The following PPIL1 variants were observed in gnomAD, a reference collection of about 807,000 sequenced individuals.
PPIL1 encodes peptidylprolyl isomerase like 1.
A neutral mutation model predicts 19.4 loss-of-function variants in PPIL1; 14 were observed. The observed-to-expected ratio is 0.72, with a 90% CI of 0.48 to 1.13. The LOEUF is 1.13. PPIL1 is among the 50% of genes most tolerant of loss of function. The pLI is 0.00. For synonymous variants in PPIL1, 72 were observed against 73.6 expected, an observed-to-expected ratio of 0.98 and a Z score of 0.11; for missense variants, 192 against 218.0, an observed-to-expected ratio of 0.88 and a Z score of 0.75.
At chr6:36,866,501 C>G (rs1399982835) in intron 2 of PPIL1, among the ~76,000 whole-genome samples, 2 of 152,116 alleles carry the variant, frequency 1.3e-5, no homozygotes, top group Non-Finnish European at 2.9e-5. Flanking sequence ...TGCCAGTGGG[C>G]TGCTCAGTCA....
intron 2 of PPIL1, among the ~76,000 whole-genome samples, chr6:36,867,011 A>G (rs1774408021): frequency 6.6e-6 from 1 of 152,214 alleles, no homozygotes; most frequent in African/African-American, 2.4e-5. Flanking sequence ...AAAAGCATGC[A>G]GTTTATATAG....
rs186925365 is a variant in PPIL1 at position 36,871,952 on chromosome 6, C to A, written c.57-80G>T. 1,525 of 1,280,166 alleles carry A rather than the reference C, an allele frequency of 1.2e-3. 10 individuals carry two copies. Among genetic ancestry groups the A allele is most frequent in the Non-Finnish European group, 1.9e-4 (182 of 970,024 alleles). 79.3% of individuals were successfully genotyped at this position (1,280,166 alleles called of 1,614,324 possible). A position where few individuals can be genotyped will look rare whatever the true frequency, so the allele number is the denominator to read the frequency against. On this transcript the variant is annotated intron_variant, in intron 1 of 3. Coordinates refer to ENST00000373699, the MANE Select transcript of PPIL1 (RefSeq NM_016059.5). ...AGTATTATGGAACTGCTCCAGGACT[C>A]TTGATTTTCAAGCTTGTAAGTCATG...
intron 2 of PPIL1, among the ~76,000 whole-genome samples, chr6:36,870,964 C>T (rs540403515): frequency 6.6e-6 from 1 of 152,290 alleles, no homozygotes; most frequent in South Asian, 2.1e-4. Context: ...TCATGTCTTT[C>T]CTTTGCTCAA....
intron 2 of PPIL1, among the ~76,000 whole-genome samples, chr6:36,859,955 A>AGCGCCT (rs1774248483): frequency 6.6e-6 from 1 of 151,900 alleles, no homozygotes; most frequent in African/African-American, 2.4e-5. Context: ...CAGCCTCCTG[A>AGCGCCT]GTAGCTGGGA....
intron 2 of PPIL1, among the ~76,000 whole-genome samples, chr6:36,862,871 G>C (rs1031645373): frequency 1.3e-5 from 2 of 152,198 alleles, no homozygotes; most frequent in Non-Finnish European, 2.9e-5. Flanking sequence ...TCCTCCAAGG[G>C]GCTTTGTGGT....
intron 2 of PPIL1, among the ~76,000 whole-genome samples, chr6:36,860,521 C>A (rs964435027): frequency 6.6e-6 from 1 of 152,092 alleles, no homozygotes; most frequent in Non-Finnish European, 1.5e-5. Flanking sequence ...ATTTCAGACA[C>A]GCAAACATAC....
intron 2 of PPIL1, 123 bp downstream of exon 2, chr6:36,871,595 G>C: frequency 8.2e-7 from 1 of 1,215,026 alleles, no homozygotes; most frequent in East Asian, 2.5e-5. Flanking sequence ...GTGGAAAAGA[G>C]AGCTCTGGCT....
chr6:36,868,991 T>C (rs1016352343), intron 2 of PPIL1, among the ~76,000 whole-genome samples: 1 of 152,114 alleles, frequency 6.6e-6, no homozygotes. Flanking sequence ...TTTATTTTAA[T>C]TTATTTATTT....
At chr6:36,866,571 T>G (rs553548554) in intron 2 of PPIL1, among the ~76,000 whole-genome samples, 25 of 152,228 alleles carry the variant, frequency 1.6e-4, no homozygotes, top group Admixed American at 1.6e-3. Flanking sequence ...TTCAATTTCA[T>G]TAAAATTACA....
rs756126155 is a variant in PPIL1 at position 36,856,036 on chromosome 6, G to A, written c.281-3C>T. On this transcript the variant is annotated splice_region_variant and splice_polypyrimidine_tract_variant and intron_variant, in intron 3 of 3. Transcript: ENST00000373699. ...GGCCATTGCGAGAATTCCAGCCCCTGGTGGGAAAAAGGAAGAAAGGAAAGA... is the reference window on the plus strand; with the variant it reads ...GGCCATTGCGAGAATTCCAGCCCCTAGTGGGAAAAAGGAAGAAAGGAAAGA... The A allele has an allele frequency of 6.8e-6, 11 of 1,613,518 alleles. 1 individual carries two copies. The South Asian group carries it at 1.2e-4, about 18-fold the overall frequency.
At chr6:36,874,011 C>G (rs1474770739) in intron 1 of PPIL1, among the ~76,000 whole-genome samples, 8 of 152,172 alleles carry the variant, frequency 5.3e-5, no homozygotes, top group Non-Finnish European at 1.2e-4. Flanking sequence ...ATGAATAGAG[C>G]TAAAGGATCT....
At chr6:36,872,089 T>C (rs1774522906) in intron 1 of PPIL1, 1 of 391,144 alleles carries the variant, frequency 2.6e-6, no homozygotes, top group Non-Finnish European at 4.4e-6. Context: ...TCTGGGTACT[T>C]CTTTTCAGCA....
At chr6:36,864,615 G>A (rs1271216104) in intron 2 of PPIL1, among the ~76,000 whole-genome samples, 1 of 152,140 alleles carries the variant, frequency 6.6e-6, no homozygotes, top group Admixed American at 6.5e-5. Flanking sequence ...GGCGACAGTG[G>A]GCAATGTCTG....
chr6:36,858,398 A>C (rs544420108), intron 2 of PPIL1, among the ~76,000 whole-genome samples: 1 of 152,318 alleles, frequency 6.6e-6, no homozygotes, highest in East Asian at 1.9e-4. Flanking sequence ...GGTCACGACA[A>C]AACAGCCTAG....
intron 2 of PPIL1, 68 bp downstream of exon 2, chr6:36,871,650 G>A: frequency 6.6e-7 from 1 of 1,519,284 alleles, no homozygotes. Context: ...ACTAATGCTG[G>A]CTTTAGAAAA....
chr6:36,865,984 A>C (rs1308167964), intron 2 of PPIL1, among the ~76,000 whole-genome samples: 1 of 152,242 alleles, frequency 6.6e-6, no homozygotes, highest in Non-Finnish European at 1.5e-5. Context: ...AGATGAAATC[A>C]AAGTGAGAGT....
chr6:36,855,843 C>T lies in PPIL1; in HGVS notation c.471G>A (p.Val157=). The T allele has an allele frequency of 6.2e-7, 1 of 1,614,148 alleles. No homozygotes were observed. The highest frequency in any genetic ancestry group is 8.5e-7 in the Non-Finnish European group (1 of 1,180,030). Residue 157 remains valine (V), a synonymous_variant, in exon 4 of 4, where the codon GTG becomes GTA. Coordinates refer to ENST00000373699, the MANE Select transcript of PPIL1 (RefSeq NM_016059.5). The stretch of plus-strand genomic sequence containing the variant: ...CAGAAGGGTATGCCTTAATGATCTT[C>T]ACGTCGTCCACAGGGCGGTCCTGGG... The part of the protein sequence containing the change: ...TNSQDRPVDD[V]KIIKAYPSG
intron 2 of PPIL1, among the ~76,000 whole-genome samples, chr6:36,866,989 CA>C (rs902513350): frequency 1.9e-4 from 29 of 152,322 alleles, no homozygotes; most frequent in Admixed American, 1.8e-3. Context: ...CGGAGAACCA[CA>C]ATGGCTTGCA....
chr6:36,872,132 T>C (rs1774523397), intron 1 of PPIL1, among the ~76,000 whole-genome samples: 1 of 152,080 alleles, frequency 6.6e-6, no homozygotes, highest in Non-Finnish European at 1.5e-5. Context: ...AAAATTCTAA[T>C]ACTATACATA....
Sources: gnomAD v4.1 joint callset for allele counts (sites outside exome capture counted in the v4.1 genomes callset) on GRCh38, gnomAD v4.1.1 for gene constraint, MANE v1.5 for transcripts, NCBI Gene and HGNC (gene_info 2026-07-23, HGNC 2026-07-21) for gene names.